Variants in PDE4D observed in about 807,000 individuals in gnomAD.
The protein encoded by PDE4D is phosphodiesterase 4D.
Under a neutral mutation model 87.4 loss-of-function variants are expected in PDE4D, and 24 were observed. The ratio of observed to expected loss-of-function variants is 0.27; its 90% CI spans 0.20 to 0.39. The LOEUF is 0.39. PDE4D is among the 10% of genes least tolerant of loss of function. The probability of loss-of-function intolerance (pLI) is 1.00; values close to 1 mark genes in which losing one functional copy is unlikely to be tolerated. For missense variants in PDE4D, 714 were observed against 1,041.0 expected (o/e 0.69, Z 4.32); for synonymous variants, 384 against 383.2 (o/e 1.00, Z -0.02).
rs1561855546 is a variant in PDE4D at position 59,914,869 on chromosome 5, GTGT to G, written c.272+73616_272+73618del. 8.3e-3 allele frequency among the ~76,000 whole-genome samples: 414 copies of G among 49,632 alleles called. 2 individuals are homozygous for G. The highest frequency in any genetic ancestry group is 0.02 in the East Asian group (8 of 408). The allele number at this position is 49,632 out of a possible 152,430, so 32.6% of individuals were successfully genotyped here. A position where few individuals can be genotyped will look rare whatever the true frequency, so the allele number is the denominator to read the frequency against. On this transcript the variant is annotated intron_variant, in intron 3 of 16. Transcript: ENST00000502484. ...TTGGTTATAATTTACTGATAGGGGTGTGTGTGTGTGTGTGTGTGTGTGTGTGTG... is the reference window on the plus strand; with the variant it reads ...TTGGTTATAATTTACTGATAGGGGTGGTGTGTGTGTGTGTGTGTGTGTGTG...
intron 1 of PDE4D, among the ~76,000 whole-genome samples, chr5:60,337,051 G>A (rs1757813181): frequency 1.3e-5 from 2 of 151,830 alleles, no homozygotes; most frequent in African/African-American, 4.8e-5. Flanking sequence ...TGGATGTGGT[G>A]GCTTATGCTT....
At chr5:59,678,548 CT>C (rs1748492167) in intron 1 of PDE4D, among the ~76,000 whole-genome samples, 1 of 152,128 alleles carries the variant, frequency 6.6e-6, no homozygotes. Flanking sequence ...TCACTGCAAC[CT>C]CTACCTCTGG....
intron 1 of PDE4D, among the ~76,000 whole-genome samples, chr5:60,215,092 T>C (rs758263184): frequency 2.0e-5 from 3 of 152,148 alleles, no homozygotes; most frequent in Non-Finnish European, 2.9e-5. Context: ...CCATGACTGA[T>C]AGAAAGAGAG....
At chr5:60,185,629 T>G in exon 2 of PDE4D, 1 of 1,449,176 alleles carries the variant, frequency 6.9e-7, no homozygotes, top group South Asian at 1.2e-5. Context: ...AAATGGGAAC[T>G]AGTGTTTCCA....
rs186518691 is a variant in PDE4D at position 59,995,509 on chromosome 5, G to A, written c.43-6792C>T. On this transcript the variant is annotated intron_variant, in intron 2 of 16. Coordinates refer to the PDE4D transcript ENST00000502484. ...AATTTTTTGTATTTTTAGTAGAGAC[G>A]GAGTTTCATCATGTTGGCCAGGCTG... Among the ~76,000 whole-genome samples, 801 of 151,760 alleles carry A rather than the reference G, an allele frequency of 5.3e-3. 3 individuals carry two copies. Among genetic ancestry groups the A allele is most frequent in the Middle Eastern group, 0.01 (3 of 292 alleles).
chr5:59,776,435 C>T (rs1764087339), intron 1 of PDE4D, among the ~76,000 whole-genome samples: 5 of 152,078 alleles, frequency 3.3e-5, no homozygotes, highest in Admixed American at 3.3e-4. Flanking sequence ...TATTATATAC[C>T]ACAAATGCTT....
chr5:60,217,985 T>G (rs992755328), intron 1 of PDE4D, among the ~76,000 whole-genome samples: 2 of 152,022 alleles, frequency 1.3e-5, no homozygotes, highest in Admixed American at 6.6e-5. Flanking sequence ...TAAAATCCTT[T>G]GGCAGCATTT....
At chr5:59,381,197 C>T (rs1290465487) in intron 1 of PDE4D, among the ~76,000 whole-genome samples, 4 of 152,160 alleles carry the variant, frequency 2.6e-5, no homozygotes, top group South Asian at 2.1e-4. Flanking sequence ...GGTCCAGGTA[C>T]AAACTTTGCA....
At chr5:60,501,976 T>G (rs1039469405) in intron 1 of PDE4D, among the ~76,000 whole-genome samples, 32 of 152,328 alleles carry the variant, frequency 2.1e-4, no homozygotes, top group Non-Finnish European at 4.0e-4. Flanking sequence ...GATGGTAGTT[T>G]CTTTTGCTGT....
At chr5:59,543,237 G>C (rs1373588769) in intron 1 of PDE4D, among the ~76,000 whole-genome samples, 1 of 152,152 alleles carries the variant, frequency 6.6e-6, no homozygotes, top group Non-Finnish European at 1.5e-5. Flanking sequence ...AGGAGGGAGA[G>C]AGAAAGTAGA....
intron 2 of PDE4D, among the ~76,000 whole-genome samples, chr5:59,208,916 T>C (rs1393604132): frequency 6.6e-6 from 1 of 152,166 alleles, no homozygotes; most frequent in Non-Finnish European, 1.5e-5. Context: ...CTAGTATTAA[T>C]GCCTGCATCA....
chr5:60,326,926 C>T (rs1336320512), intron 1 of PDE4D, among the ~76,000 whole-genome samples: 1 of 152,054 alleles, frequency 6.6e-6, no homozygotes, highest in African/African-American at 2.4e-5. Flanking sequence ...TAAAAAGTTC[C>T]CAGGCTTTCT....
chr5:59,090,449 A>C (rs1157003900), intron 5 of PDE4D, among the ~76,000 whole-genome samples: 1 of 152,126 alleles, frequency 6.6e-6, no homozygotes, highest in Non-Finnish European at 1.5e-5. Flanking sequence ...ATGTTGATTC[A>C]CTTGTCTCCT....
intron 1 of PDE4D, among the ~76,000 whole-genome samples, chr5:60,287,732 G>T (rs1210201034): frequency 6.6e-6 from 1 of 152,046 alleles, no homozygotes; most frequent in Non-Finnish European, 1.5e-5. Context: ...TGCTTTCTCT[G>T]GACTCTTTAG....
chr5:60,355,583 C>T (rs1257914083), intron 1 of PDE4D, among the ~76,000 whole-genome samples: 1 of 152,038 alleles, frequency 6.6e-6, no homozygotes, highest in African/African-American at 2.4e-5. Flanking sequence ...CATTAACCCA[C>T]GTGTAGTCAA....
At position 60,090,122 on chromosome 5, in the gene PDE4D, G is replaced by C. The variant is rs183987618; in HGVS notation, c.42+95435C>G. ...AACCTATACCAATTCTCTTTAAACT[G>C]TTTCAAAAAAATTGAAGAGAAGGGA... On this transcript the variant is annotated intron_variant, in intron 2 of 16. Coordinates refer to the PDE4D transcript ENST00000502484. Among the ~76,000 whole-genome samples, 46 of 152,112 alleles carry C rather than the reference G, an allele frequency of 3.0e-4. 1 individual carries two copies. Among genetic ancestry groups the C allele is most frequent in the Admixed American group, 2.6e-3 (39 of 15,290 alleles).
chr5:59,707,010 A>G (rs530090458), intron 1 of PDE4D, among the ~76,000 whole-genome samples: 59 of 152,326 alleles, frequency 3.9e-4, no homozygotes, highest in African/African-American at 1.4e-3. Flanking sequence ...TTATAGCAGA[A>G]CATCAGCAAG....
Position 59,222,442 on chromosome 5 carries a change from A to C in PDE4D, c.456-6474T>G, listed in dbSNP as rs182582473. On this transcript the variant is annotated intron_variant, in intron 1 of 14. Coordinates refer to ENST00000340635, the MANE Select transcript of PDE4D (RefSeq NM_001104631.2). ...TAGCCATCAGGACCTTATACTTAGC[A>C]CTGACCCCCAGTATGAAGCCCAAAG... Among the ~76,000 whole-genome samples the C allele has an allele frequency of 7.9e-5, 12 of 152,242 alleles. No individual in the cohort carries two copies. The East Asian group carries it at 2.3e-3, about 30-fold the overall frequency.
intron 2 of PDE4D, among the ~76,000 whole-genome samples, chr5:60,165,869 C>T (rs1782844941): frequency 6.6e-6 from 1 of 151,582 alleles, no homozygotes; most frequent in South Asian, 2.1e-4. Flanking sequence ...AATCCATTTA[C>T]ATTCAGGGCT....
Sources: gnomAD v4.1 joint callset for allele counts (sites outside exome capture counted in the v4.1 genomes callset) on GRCh38, gnomAD v4.1.1 for gene constraint, MANE v1.5 for transcripts, NCBI Gene and HGNC (gene_info 2026-07-23, HGNC 2026-07-21) for gene names.